RANBP2: variants seen among roughly 807,000 people sequenced by gnomAD.
RANBP2 encodes RAN binding protein 2.
In RANBP2, 57 loss-of-function variants were observed where a neutral mutation model predicts 303.6. The observed-to-expected ratio is 0.19, with a 90% confidence interval of 0.15 to 0.23. RANBP2 has a LOEUF of 0.23. RANBP2 is among the 10% of genes least tolerant of loss of function. The pLI is 1.00. For missense variants in RANBP2, 3,138 were observed against 3,780.8 expected (o/e 0.83, Z 4.46); for synonymous variants, 1,167 against 1,301.5 (o/e 0.90, Z 2.23).
At chr2:108,845,946 T>G in the RANBP2 span, among the ~76,000 whole-genome samples, 1 of 152,200 alleles carries the variant, frequency 6.6e-6, no homozygotes, top group Non-Finnish European at 1.5e-5. Flanking sequence ...TGCTACTATT[T>G]CTATTTTGCC....
chr2:109,677,919 A>G, the RANBP2 span, among the ~76,000 whole-genome samples: 2 of 152,194 alleles, frequency 1.3e-5, no homozygotes, highest in Non-Finnish European at 2.9e-5. Context: ...GGTTCCTGGT[A>G]AGGGGATTTG....
At chr2:109,702,108 G>T in the RANBP2 span, among the ~76,000 whole-genome samples, 1 of 152,232 alleles carries the variant, frequency 6.6e-6, no homozygotes, top group South Asian at 2.1e-4. Context: ...CCAGGCAGTG[G>T]CATGGGATGT....
At chr2:108,914,043 T>G in the RANBP2 span, among the ~76,000 whole-genome samples, 1 of 151,428 alleles carries the variant, frequency 6.6e-6, no homozygotes, top group African/African-American at 2.4e-5. Context: ...GGTGGATCAC[T>G]TGAGGTCAGG....
the RANBP2 span, among the ~76,000 whole-genome samples, chr2:108,936,662 G>A: frequency 6.6e-6 from 1 of 152,154 alleles, no homozygotes; most frequent in East Asian, 1.9e-4. Context: ...TCCCTGTAGG[G>A]AGCCCGCAAG....
the RANBP2 span, chr2:109,347,816 C>T: frequency 1.5e-5 from 24 of 1,613,896 alleles, no homozygotes; most frequent in Non-Finnish European, 2.0e-5. Context: ...CTGCACGGCA[C>T]ACAGGGCTTC....
the RANBP2 span, among the ~76,000 whole-genome samples, chr2:108,963,738 T>A: frequency 6.6e-6 from 1 of 152,354 alleles, no homozygotes; most frequent in East Asian, 1.9e-4. Flanking sequence ...TCCCAGGCTA[T>A]GGGTATCACA....
chr2:109,066,610 T>A, the RANBP2 span, among the ~76,000 whole-genome samples: 1 of 152,136 alleles, frequency 6.6e-6, no homozygotes, highest in Admixed American at 6.5e-5. Flanking sequence ...TCCGATTCCA[T>A]TTGCAACTGG....
chr2:109,404,652 A>G, the RANBP2 span, among the ~76,000 whole-genome samples: 1 of 152,126 alleles, frequency 6.6e-6, no homozygotes, highest in African/African-American at 2.4e-5. Flanking sequence ...GCGGCCAAGC[A>G]GAGCTGACCC....
chr2:109,302,940 G>A, the RANBP2 span, among the ~76,000 whole-genome samples: 1 of 152,124 alleles, frequency 6.6e-6, no homozygotes, highest in Non-Finnish European at 1.5e-5. Flanking sequence ...GCAGTGGCAT[G>A]ATCTTAGCTC....
At chr2:109,404,751 G>A in the RANBP2 span, among the ~76,000 whole-genome samples, 2 of 152,068 alleles carry the variant, frequency 1.3e-5, no homozygotes, top group Non-Finnish European at 1.5e-5. Flanking sequence ...TCTTTCCCAT[G>A]GATGTGCTCG....
the RANBP2 span, among the ~76,000 whole-genome samples, chr2:109,468,471 T>G: frequency 7.2e-5 from 11 of 152,184 alleles, no homozygotes; most frequent in Non-Finnish European, 1.0e-4. Flanking sequence ...TCATGCTGCT[T>G]GGTCCCACTG....
chr2:109,744,717 T>A, the RANBP2 span, among the ~76,000 whole-genome samples: 1 of 60,012 alleles, frequency 1.7e-5, no homozygotes. Flanking sequence ...AAAACAACAA[T>A]TACATATCAC....
chr2:109,248,955 G>C, the RANBP2 span, among the ~76,000 whole-genome samples: 1 of 151,058 alleles, frequency 6.6e-6, no homozygotes, highest in Non-Finnish European at 1.5e-5. Context: ...ACCCAGGCTG[G>C]GATGCAGCCT....
At chr2:109,279,880 G>T in the RANBP2 span, among the ~76,000 whole-genome samples, 1 of 152,046 alleles carries the variant, frequency 6.6e-6, no homozygotes, top group Non-Finnish European at 1.5e-5. Flanking sequence ...TGGGCCCCTG[G>T]GGGGTGAGAG....
At chr2:108,874,508 C>T in the RANBP2 span, among the ~76,000 whole-genome samples, 2 of 152,134 alleles carry the variant, frequency 1.3e-5, no homozygotes, top group Admixed American at 1.3e-4. Context: ...ATAACAGTAA[C>T]ATTTTTATTT....
chr2:108,948,252 G>A, the RANBP2 span, among the ~76,000 whole-genome samples: 5 of 152,166 alleles, frequency 3.3e-5, no homozygotes, highest in African/African-American at 1.2e-4. Flanking sequence ...GGACTTCATT[G>A]TCCATATCAC....
At chr2:109,304,740 T>A in the RANBP2 span, among the ~76,000 whole-genome samples, 1 of 152,162 alleles carries the variant, frequency 6.6e-6, no homozygotes, top group South Asian at 2.1e-4. Context: ...GGAGCTAATC[T>A]AGGGAGAGGT....
the RANBP2 span, among the ~76,000 whole-genome samples, chr2:109,275,638 T>G: frequency 6.6e-6 from 1 of 152,198 alleles, no homozygotes; most frequent in African/African-American, 2.4e-5. Flanking sequence ...ACGGTTGCAC[T>G]TCCAAGTTCA....
At chr2:109,686,617 A>C in the RANBP2 span, among the ~76,000 whole-genome samples, 1 of 151,734 alleles carries the variant, frequency 6.6e-6, no homozygotes, top group Non-Finnish European at 1.5e-5. Flanking sequence ...CCGGCTTCTT[A>C]CTATTTTTTT....
Sources: allele counts gnomAD v4.1 joint callset (sites outside exome capture counted in the v4.1 genomes callset), GRCh38; gene constraint gnomAD v4.1.1; transcripts MANE v1.5; gene names NCBI Gene and HGNC (gene_info 2026-07-23, HGNC 2026-07-21).